Variants in ADGRA1 observed in about 807,000 individuals in gnomAD.
ADGRA1 encodes adhesion G protein-coupled receptor A1.
In ADGRA1, 12 loss-of-function variants were observed where a neutral mutation model predicts 21.3. The observed-to-expected ratio is 0.56, with a 90% CI of 0.36 to 0.91. The LOEUF (loss-of-function observed/expected upper bound fraction) is 0.91. Among genes scored for constraint, ADGRA1 ranks in the 40% least tolerant of loss-of-function variants. ADGRA1 has a pLI of 0.01. For missense variants in ADGRA1, 790 were observed against 805.6 expected (o/e 0.98, Z 0.23); for synonymous variants, 385 against 368.8 (o/e 1.04, Z -0.50).
At chr10:133,127,451 C>T in intron 6 of ADGRA1, 120 bp downstream of exon 6, 2 of 754,602 alleles carry the variant, frequency 2.7e-6, no homozygotes, top group Non-Finnish European at 4.3e-6. Context: ...GGGCCTGGAC[C>T]TGGGGCTTGC....
chr10:133,117,255 G>A (rs1347719096), intron 5 of ADGRA1, among the ~76,000 whole-genome samples: 1 of 152,246 alleles, frequency 6.6e-6, no homozygotes, highest in Non-Finnish European at 1.5e-5. Context: ...CACAGAGGCA[G>A]CACCCGGAGC....
intron 5 of ADGRA1, among the ~76,000 whole-genome samples, chr10:133,122,019 G>T (rs1341768228): frequency 2.0e-5 from 3 of 152,112 alleles, no homozygotes; most frequent in Admixed American, 6.5e-5. Flanking sequence ...TGTGTGTGTG[G>T]TATGTGTGTT....
rs770988396 is a variant in ADGRA1 at position 133,128,965 on chromosome 10, G to T, written c.1137G>T (p.Pro379=). 1.7e-5 allele frequency: 27 copies of T among 1,556,236 alleles called. No homozygotes were observed. In the African/African-American group the frequency reaches 3.4e-4, roughly 20 times the overall value. ...AGGGCCACGCCAGTTGCCTGTCACC[G>T]GCCACCCCGTGCTGCGCCAAGATGC... ...AAQGHASCLS[P]ATPCCAKMHC... The change falls in exon 7 of 7, where the codon CCG becomes CCT. Residue 379 remains proline (P), a synonymous_variant. Transcript: ENST00000392607.
chr10:133,113,131 G>A (rs1852091481), intron 5 of ADGRA1, among the ~76,000 whole-genome samples: 1 of 150,896 alleles, frequency 6.6e-6, no homozygotes, highest in African/African-American at 2.4e-5. Context: ...GGTTATTTGA[G>A]GTCTGTGGGC....
At chr10:133,094,559 C>A (rs1362514954) in intron 2 of ADGRA1, among the ~76,000 whole-genome samples, 2 of 152,152 alleles carry the variant, frequency 1.3e-5, no homozygotes, top group South Asian at 2.1e-4. Flanking sequence ...GGGCAGACCA[C>A]CCCAGGCTCT....
intron 5 of ADGRA1, among the ~76,000 whole-genome samples, chr10:133,114,110 C>T (rs1381934580): frequency 1.3e-5 from 2 of 152,216 alleles, no homozygotes; most frequent in East Asian, 1.9e-4. Context: ...GGAGGTGCCA[C>T]GTGGTACAAC....
At chr10:133,106,828 C>A (rs12356997) in intron 5 of ADGRA1, among the ~76,000 whole-genome samples, 2 of 152,232 alleles carry the variant, frequency 1.3e-5, no homozygotes, top group African/African-American at 2.4e-5. Flanking sequence ...CTCACCCCCG[C>A]GGCTCAGAGT....
intron 2 of ADGRA1, chr10:133,095,674 A>T (rs1319699543): frequency 6.3e-7 from 1 of 1,596,518 alleles, no homozygotes; most frequent in Non-Finnish European, 8.5e-7. Flanking sequence ...CACGGTGGAC[A>T]CTCTCTAGCC....
At chr10:133,126,552 T>G (rs949234808) in intron 5 of ADGRA1, among the ~76,000 whole-genome samples, 1 of 152,044 alleles carries the variant, frequency 6.6e-6, no homozygotes, top group Non-Finnish European at 1.5e-5. Context: ...TGGGTCCGGG[T>G]GGGGGCTGGA....
intron 4 of ADGRA1, among the ~76,000 whole-genome samples, chr10:133,100,999 T>C (rs1851782678): frequency 6.6e-6 from 1 of 152,236 alleles, no homozygotes; most frequent in South Asian, 2.1e-4. Flanking sequence ...ATGAACTGTC[T>C]GCTCCCCGTG....
At chr10:133,088,989 C>A in intron 2 of ADGRA1, 77 bp downstream of exon 2, 1 of 1,234,770 alleles carries the variant, frequency 8.1e-7, no homozygotes, top group Non-Finnish European at 1.0e-6. Context: ...TATGGGGACT[C>A]CCAGGCTGGA....
In ADGRA1 at chr10:133,101,082, G is replaced by A. The variant is rs537053792; in HGVS notation, c.256-1615G>A. ...AGGCCAGTTCCGCATTCCCGCCTCC[G>A]GGTAAGGAGGAGAATTCAGCCACTA... On this transcript the variant is annotated intron_variant, in intron 4 of 6. Transcript: ENST00000392607. Among the ~76,000 whole-genome samples the A allele has an allele frequency of 3.2e-4, 48 of 152,318 alleles. 1 individual carries two copies. Among genetic ancestry groups the A allele is most frequent in the African/African-American group, 1.0e-3 (42 of 41,572 alleles).
intron 5 of ADGRA1, among the ~76,000 whole-genome samples, chr10:133,111,908 TGC>T (rs1852027201): frequency 1.0e-5 from 1 of 96,000 alleles, no homozygotes; most frequent in African/African-American, 4.3e-5. Context: ...TCCCTCCTAA[TGC>T]CTCCAGACCA....
Position 133,129,421 on chromosome 10 carries a change from C to T in ADGRA1, c.1593C>T (p.Pro531=), listed in dbSNP as rs1591193202. The part of the protein sequence containing the change: ...PFGGPSQNGL[P]KGKLLEGLPF... ...GTGGCCCCAGCCAGAACGGGCTGCC[C>T]AAGGGTAAATTGCTAGAAGGCCTGC... The change falls in exon 7 of 7, where the codon CCC becomes CCT. Residue 531 remains proline, a synonymous_variant. Coordinates refer to ENST00000392607, the MANE Select transcript of ADGRA1 (RefSeq NM_001083909.3). 1.2e-6 allele frequency: 2 copies of T among 1,605,344 alleles called. No homozygotes were observed. The highest frequency in any genetic ancestry group is 1.7e-6 in the Non-Finnish European group (2 of 1,179,820).
chr10:133,104,206 C>T (rs1265214599), intron 5 of ADGRA1, among the ~76,000 whole-genome samples: 13 of 152,238 alleles, frequency 8.5e-5, no homozygotes, highest in African/African-American at 3.1e-4. Context: ...TTCAGATCCA[C>T]GCAGACACGT....
chr10:133,125,959 A>T (rs74995417), intron 5 of ADGRA1, among the ~76,000 whole-genome samples: 2 of 152,220 alleles, frequency 1.3e-5, no homozygotes, highest in African/African-American at 4.8e-5. Flanking sequence ...ACAGTCATTG[A>T]AAGAGGGAGG....
chr10:133,127,449 A>G, intron 6 of ADGRA1, 118 bp downstream of exon 6: 1 of 763,672 alleles, frequency 1.3e-6, no homozygotes, highest in Non-Finnish European at 2.1e-6. Flanking sequence ...CTGGGCCTGG[A>G]CCTGGGGCTT....
rs914342438 is a variant in ADGRA1 at position 133,115,678 on chromosome 10, G to A, written c.402-11555G>A. Among the ~76,000 whole-genome samples, 7 of 152,138 alleles carry A rather than the reference G, an allele frequency of 4.6e-5. No homozygotes were observed. In the East Asian group the frequency reaches 1.2e-3, roughly 25 times the overall value. ...TGGGGACTCAGCACAGCCGAGGGTCGGCCGATGGCGTTGTCACCCCTCCCG... is the reference window on the plus strand; with the variant it reads ...TGGGGACTCAGCACAGCCGAGGGTCAGCCGATGGCGTTGTCACCCCTCCCG... On this transcript the variant is annotated intron_variant, in intron 5 of 6. Transcript: ENST00000392607.
intron 5 of ADGRA1, 75 bp downstream of exon 5, chr10:133,102,917 A>G (rs1851823868): frequency 6.7e-7 from 1 of 1,494,062 alleles, no homozygotes. Context: ...GGTCTTGGCA[A>G]ACCTTCTCAC....
Sources: gnomAD v4.1 joint callset for allele counts (sites outside exome capture counted in the v4.1 genomes callset) on GRCh38, gnomAD v4.1.1 for gene constraint, MANE v1.5 for transcripts, NCBI Gene and HGNC (gene_info 2026-07-23, HGNC 2026-07-21) for gene names.